Variants in SEMA6A observed in about 807,000 individuals in gnomAD.
SEMA6A encodes the protein semaphorin-6A.
SEMA6A carries 25 observed loss-of-function variants against 96.8 expected under a neutral mutation model. That is an observed-to-expected ratio of 0.26 (90% CI 0.19 to 0.36). SEMA6A has a LOEUF of 0.36. Ranked by LOEUF, SEMA6A falls within the 10% of genes least tolerant of loss-of-function variation. The probability of loss-of-function intolerance (pLI) is 1.00; values close to 1 mark genes in which losing one functional copy is unlikely to be tolerated. For missense variants in SEMA6A, 1,363 were observed against 1,323.1 expected (o/e 1.03, Z -0.47); for synonymous variants, 612 against 518.0 (o/e 1.18, Z -2.46).
At chr5:116,565,398 A>T (rs948936144) in intron 1 of SEMA6A, among the ~76,000 whole-genome samples, 2 of 152,228 alleles carry the variant, frequency 1.3e-5, no homozygotes, top group Non-Finnish European at 2.9e-5. Context: ...TGGCAACCGA[A>T]TAAGAAAGCA....
intron 2 of SEMA6A, among the ~76,000 whole-genome samples, 194 bp downstream of exon 2, chr5:116,504,651 C>T (rs941765365): frequency 1.3e-5 from 2 of 152,204 alleles, no homozygotes; most frequent in African/African-American, 2.4e-5. Flanking sequence ...CACGTGTCCC[C>T]ACAACAACAT....
intron 6 of SEMA6A, among the ~76,000 whole-genome samples, chr5:116,494,061 CCT>C (rs998792220): frequency 6.6e-6 from 1 of 151,958 alleles, no homozygotes; most frequent in Admixed American, 6.6e-5. Context: ...TCTTGACTCA[CCT>C]CTCTCTCTCT....
chr5:116,546,152 C>G (rs950123413), intron 1 of SEMA6A, among the ~76,000 whole-genome samples: 5 of 152,230 alleles, frequency 3.3e-5, no homozygotes, highest in African/African-American at 1.2e-4. Context: ...ATTAGGATCA[C>G]TCTTCATATT....
At position 116,472,544 on chromosome 5, in the gene SEMA6A, C is replaced by CT. The variant is rs1403988894; in HGVS notation, c.1729+528dup. 1.6e-4 allele frequency: 34 copies of CT among 215,374 alleles called. 1 individual carries two copies. The highest frequency in any genetic ancestry group is 1.7e-3 in the Middle Eastern group (1 of 590). 13.3% of individuals were successfully genotyped at this position (215,374 alleles called of 1,614,324 possible). On this transcript the variant is annotated intron_variant, in intron 17 of 18. Coordinates refer to ENST00000343348, the MANE Select transcript of SEMA6A (RefSeq NM_020796.5). ...ACTGTATCAGCTGAGGAGCTATAGT[C>CT]TATCAGTTAGGAGCATTATTCCTTT...
chr5:116,529,162 A>AT (rs199802949), intron 1 of SEMA6A, among the ~76,000 whole-genome samples: 2,313 of 152,296 alleles, frequency 0.015, 62 homozygotes, highest in African/African-American at 0.048. Context: ...GATTAACCAA[A>AT]TATTTTATAT....
intron 6 of SEMA6A, chr5:116,492,287 T>C (rs1260758658): frequency 6.6e-6 from 1 of 150,546 alleles, no homozygotes; most frequent in Non-Finnish European, 1.5e-5. Context: ...GTTTTCTTTA[T>C]AATGTAACTA....
At position 116,446,546 on chromosome 5, in the gene SEMA6A, C is replaced by T; in HGVS notation, c.*67G>A. The T allele has an allele frequency of 7.4e-7, 1 of 1,356,226 alleles. No homozygotes were observed. Among genetic ancestry groups the T allele is most frequent in the South Asian group, 1.6e-5 (1 of 61,664 alleles). 84.0% of individuals were successfully genotyped at this position (1,356,226 alleles called of 1,614,324 possible). A position where few individuals can be genotyped will look rare whatever the true frequency, so the allele number is the denominator to read the frequency against. On this transcript the variant is annotated 3_prime_UTR_variant, in exon 19 of 19. Coordinates refer to ENST00000343348, the MANE Select transcript of SEMA6A (RefSeq NM_020796.5). ...GGTGGGTACTCGAGGCAGTTGAGAA[C>T]CTTGCTGAGCTGAGCGGGCACCTCG... is the stretch of plus-strand genomic sequence containing the variant.
At chr5:116,558,164 CT>C (rs1760679908) in intron 1 of SEMA6A, among the ~76,000 whole-genome samples, 1 of 152,092 alleles carries the variant, frequency 6.6e-6, no homozygotes, top group African/African-American at 2.4e-5. Flanking sequence ...TTTTGTTTTC[CT>C]TTTGTTACTC....
chr5:116,483,029 C>T (rs1433616210), intron 10 of SEMA6A, among the ~76,000 whole-genome samples: 1 of 152,126 alleles, frequency 6.6e-6, no homozygotes, highest in Non-Finnish European at 1.5e-5. Flanking sequence ...GTTTTTCGAG[C>T]CAAGAACTTA....
intron 18 of SEMA6A, chr5:116,449,403 G>A (rs1244155960): frequency 7.1e-6 from 5 of 701,256 alleles, no homozygotes; most frequent in African/African-American, 5.3e-5. Flanking sequence ...GCAGGTATCA[G>A]TGGCACAGAA....
intron 1 of SEMA6A, among the ~76,000 whole-genome samples, chr5:116,545,193 C>T (rs537001622): frequency 2.1e-4 from 32 of 152,320 alleles, no homozygotes; most frequent in African/African-American, 7.2e-4. Context: ...AATAGCCAGT[C>T]GGGTTTAGCT....
At chr5:116,473,877 C>G (rs915704249) in intron 16 of SEMA6A, among the ~76,000 whole-genome samples, 26 of 152,296 alleles carry the variant, frequency 1.7e-4, no homozygotes, top group African/African-American at 6.3e-4. Context: ...CTGCCCCGAG[C>G]AAGCACCCTT....
chr5:116,514,941 A>G (rs1241291821), intron 1 of SEMA6A, among the ~76,000 whole-genome samples: 1 of 152,206 alleles, frequency 6.6e-6, no homozygotes, highest in African/African-American at 2.4e-5. Context: ...CAAATTAACA[A>G]TAATCTTCCA....
At chr5:116,457,037 A>T (rs1171783945) in intron 18 of SEMA6A, among the ~76,000 whole-genome samples, 2 of 152,190 alleles carry the variant, frequency 1.3e-5, no homozygotes, top group Admixed American at 1.3e-4. Context: ...ATAATAATAA[A>T]AGATGCCTAG....
chr5:116,548,118 C>T (rs764155140), intron 1 of SEMA6A, among the ~76,000 whole-genome samples: 3 of 152,210 alleles, frequency 2.0e-5, no homozygotes, highest in Non-Finnish European at 4.4e-5. Flanking sequence ...GGCTCCAAAG[C>T]TCTGTGGTAT....
At chr5:116,519,440 A>T (rs189245464) in intron 1 of SEMA6A, among the ~76,000 whole-genome samples, 1 of 152,310 alleles carries the variant, frequency 6.6e-6, no homozygotes, top group East Asian at 1.9e-4. Flanking sequence ...TTGACTGTTC[A>T]ATTAAACCCA....
chr5:116,511,422 A>G (rs1758397683), intron 1 of SEMA6A, among the ~76,000 whole-genome samples: 1 of 152,222 alleles, frequency 6.6e-6, no homozygotes, highest in African/African-American at 2.4e-5. Context: ...CACAGTAGTC[A>G]AAGGGTAAAG....
At chr5:116,468,440 T>G (rs912747248) in intron 17 of SEMA6A, 21 of 152,340 alleles carry the variant, frequency 1.4e-4, no homozygotes, top group African/African-American at 4.6e-4. Context: ...GTCCCTTTTG[T>G]GTATTATTTC....
Position 116,504,872 on chromosome 5 carries a change from C to T in SEMA6A, c.73G>A (p.Glu25Lys), listed in dbSNP as rs1308575692. The T allele has an allele frequency of 6.2e-7, 1 of 1,602,090 alleles. No homozygotes were observed. ...FAGAGFPEDS[E>K]PISISHGNYT... ...TTGCCATGCGAAATACTGATTGGCT[C>T]AGAATCTTCTGGGAAACCAGCCCCA... is the stretch of plus-strand genomic sequence containing the variant. The change falls in exon 2 of 19, where the codon GAG becomes AAG. Residue 25 changes from glutamate (E) to lysine (K), a missense_variant. Around this residue, in one of 2 missense-constraint regions of SEMA6A, gnomAD observed 480 missense variants for 559.5 expected, o/e 0.86. Coordinates refer to ENST00000343348, the MANE Select transcript of SEMA6A (RefSeq NM_020796.5).
Sources: allele counts gnomAD v4.1 joint callset (sites outside exome capture counted in the v4.1 genomes callset), GRCh38; gene constraint gnomAD v4.1.1; regional missense constraint gnomAD v4.1.1; transcripts MANE v1.5; gene names NCBI Gene and HGNC (gene_info 2026-07-23, HGNC 2026-07-21).